The following BNC2 variants were observed in gnomAD, a reference collection of about 807,000 sequenced individuals.
BNC2 encodes the protein zinc finger protein basonuclin-2.
In BNC2, 20 loss-of-function variants were observed where a neutral mutation model predicts 76.3. The ratio of observed to expected loss-of-function variants is 0.26; its 90% CI spans 0.18 to 0.38. The LOEUF (loss-of-function observed/expected upper bound fraction) is 0.38. BNC2 is among the 10% of genes least tolerant of loss of function. The probability of loss-of-function intolerance (pLI) is 1.00; values close to 1 mark genes in which losing one functional copy is unlikely to be tolerated. For missense variants in BNC2, 1,382 were observed against 1,399.8 expected (o/e 0.99, Z 0.20); for synonymous variants, 582 against 514.8 (o/e 1.13, Z -1.77).
chr9:16,774,191 A>G (rs1465868808), intron 1 of BNC2, among the ~76,000 whole-genome samples: 1 of 152,152 alleles, frequency 6.6e-6, no homozygotes, highest in Non-Finnish European at 1.5e-5. Flanking sequence ...CATATTGGCC[A>G]GGCTGGTCTC....
chr9:16,654,691 C>G (rs1329078525), intron 3 of BNC2, among the ~76,000 whole-genome samples: 10 of 152,062 alleles, frequency 6.6e-5, no homozygotes, highest in Admixed American at 4.6e-4. Context: ...TAGATCTGTT[C>G]TTTTTTACCC....
At chr9:16,639,147 T>G (rs1023588523) in intron 3 of BNC2, among the ~76,000 whole-genome samples, 1 of 152,216 alleles carries the variant, frequency 6.6e-6, no homozygotes, top group African/African-American at 2.4e-5. Context: ...ATTACTGTAC[T>G]TATTTTTTAA....
At chr9:16,500,942 G>T (rs1260561362) in intron 5 of BNC2, among the ~76,000 whole-genome samples, 1 of 152,154 alleles carries the variant, frequency 6.6e-6, no homozygotes, top group Admixed American at 6.5e-5. Context: ...GTGTCTTCTA[G>T]TATCCTGGTA....
chr9:16,737,102 A>T lies in BNC2; in HGVS notation c.129+1258T>A, dbSNP rs1351148399. Among the ~76,000 whole-genome samples the T allele has an allele frequency of 2.0e-5, 3 of 150,384 alleles. No homozygotes were observed. The East Asian group carries it at 6.0e-4, about 30-fold the overall frequency. The stretch of plus-strand genomic sequence containing the variant: ...ATTACAGGCGAGAGCCACCATGCCC[A>T]GCTCGGCCTATTATTTTTTAAGAGC... On this transcript the variant is annotated intron_variant, in intron 2 of 6. Coordinates refer to ENST00000380672, the MANE Select transcript of BNC2 (RefSeq NM_017637.6).
intron 3 of BNC2, among the ~76,000 whole-genome samples, chr9:16,633,213 G>T (rs1821216899): frequency 6.6e-6 from 1 of 152,114 alleles, no homozygotes; most frequent in South Asian, 2.1e-4. Flanking sequence ...CGTCTAAGAA[G>T]AGAAAAAACT....
chr9:16,682,989 C>G (rs1032244339), intron 3 of BNC2, among the ~76,000 whole-genome samples: 1 of 152,188 alleles, frequency 6.6e-6, no homozygotes. Flanking sequence ...CAGTTAACCT[C>G]CCAAACTGGA....
chr9:16,656,256 A>T (rs1821926263), intron 3 of BNC2, among the ~76,000 whole-genome samples: 1 of 152,204 alleles, frequency 6.6e-6, no homozygotes, highest in Non-Finnish European at 1.5e-5. Context: ...AATGGAGGAA[A>T]GGGAGAACTC....
chr9:16,753,799 A>C (rs550705484), intron 1 of BNC2, among the ~76,000 whole-genome samples: 92 of 152,342 alleles, frequency 6.0e-4, no homozygotes, highest in African/African-American at 2.0e-3. Context: ...ATCCTACTTC[A>C]AAATAAACTT....
rs111366054 is a variant in BNC2 at position 16,645,337 on chromosome 9, A to G, written c.331-62252T>C. 3.1e-3 allele frequency among the ~76,000 whole-genome samples: 478 copies of G among 152,302 alleles called. 6 individuals carry two copies. The highest frequency in any genetic ancestry group is 0.011 in the African/African-American group (450 of 41,580). ...TTACTACTATTCTTTATAAAAAATT[A>G]TTATTTTCTGCCTTTTCACATGTTC... On this transcript the variant is annotated intron_variant, in intron 3 of 6. Coordinates refer to ENST00000380672, the MANE Select transcript of BNC2 (RefSeq NM_017637.6).
At chr9:16,439,596 G>A (rs1587028052) in intron 5 of BNC2, among the ~76,000 whole-genome samples, 1 of 152,200 alleles carries the variant, frequency 6.6e-6, no homozygotes, top group African/African-American at 2.4e-5. Context: ...GATCTGTACT[G>A]CTTTTGCAAG....
intron 6 of BNC2, among the ~76,000 whole-genome samples, chr9:16,425,583 C>T (rs1351408104): frequency 6.6e-6 from 1 of 152,094 alleles, no homozygotes; most frequent in African/African-American, 2.4e-5. Flanking sequence ...TTGACGTGAA[C>T]GAAATCACCA....
intron 3 of BNC2, among the ~76,000 whole-genome samples, chr9:16,659,606 C>CA (rs779661465): frequency 0.61 from 74,947 of 122,764 alleles, 24,381 homozygotes; most frequent in Non-Finnish European, 0.76. Context: ...GACTCCGTCT[C>CA]AAAAAAAAAA....
At chr9:16,804,352 T>C (rs1817853980) in intron 1 of BNC2, among the ~76,000 whole-genome samples, 1 of 152,234 alleles carries the variant, frequency 6.6e-6, no homozygotes, top group Non-Finnish European at 1.5e-5. Flanking sequence ...GATGAGGGCA[T>C]TGAAACACAT....
At chr9:16,623,882 T>C (rs1460140500) in intron 3 of BNC2, among the ~76,000 whole-genome samples, 1 of 152,186 alleles carries the variant, frequency 6.6e-6, no homozygotes, top group Non-Finnish European at 1.5e-5. Flanking sequence ...AACTGATGTA[T>C]TGTGTATTTT....
chr9:16,460,271 A>C (rs190862910), intron 5 of BNC2, among the ~76,000 whole-genome samples: 153 of 152,246 alleles, frequency 1.0e-3, no homozygotes, highest in African/African-American at 3.6e-3. Context: ...ACAACCCTGA[A>C]ATTCTCCCTT....
chr9:16,825,267 T>C (rs1270259198), intron 1 of BNC2, among the ~76,000 whole-genome samples: 1 of 152,170 alleles, frequency 6.6e-6, no homozygotes, highest in Non-Finnish European at 1.5e-5. Flanking sequence ...GTTGGGGCTA[T>C]CCTTAGTCAC....
intron 3 of BNC2, among the ~76,000 whole-genome samples, chr9:16,693,535 G>A (rs1167536446): frequency 3.3e-5 from 5 of 152,272 alleles, no homozygotes; most frequent in Admixed American, 6.5e-5. Flanking sequence ...AGCCCTCCAC[G>A]TGATGCTGAT....
intron 5 of BNC2, among the ~76,000 whole-genome samples, chr9:16,457,193 C>T (rs949313248): frequency 6.6e-6 from 1 of 151,990 alleles, no homozygotes; most frequent in Admixed American, 6.6e-5. Flanking sequence ...TGAAGTAGTC[C>T]TTAGGAAGAA....
intron 1 of BNC2, among the ~76,000 whole-genome samples, chr9:16,840,563 T>C (rs1218291532): frequency 2.6e-5 from 4 of 152,194 alleles, no homozygotes; most frequent in Non-Finnish European, 4.4e-5. Flanking sequence ...TTGTATGCCT[T>C]TCCAAATACG....
Sources: gnomAD v4.1 joint callset for allele counts (sites outside exome capture counted in the v4.1 genomes callset) on GRCh38, gnomAD v4.1.1 for gene constraint, MANE v1.5 for transcripts, NCBI Gene and HGNC (gene_info 2026-07-23, HGNC 2026-07-21) for gene names.